DUSP22: variants seen among roughly 807,000 people sequenced by gnomAD.
The protein encoded by DUSP22 is dual specificity phosphatase 22.
A neutral mutation model predicts 24.5 loss-of-function variants in DUSP22; 24 were observed. The observed-to-expected ratio is 0.98, with a 90% CI of 0.71 to 1.38. The LOEUF (loss-of-function observed/expected upper bound fraction) is 1.38, where lower values mean the gene tolerates loss of function less well. Among genes scored for constraint, DUSP22 ranks in the 40% most tolerant of loss-of-function variants. DUSP22 has a pLI of 0.00. For synonymous variants in DUSP22, 160 were observed against 106.4 expected, an observed-to-expected ratio of 1.50 and a Z score of -3.10; for missense variants, 330 against 269.2, an observed-to-expected ratio of 1.23 and a Z score of -1.58.
intron 1 of DUSP22, among the ~76,000 whole-genome samples, chr6:300,974 G>A (rs929647328): frequency 6.6e-6 from 1 of 152,310 alleles, no homozygotes; most frequent in Non-Finnish European, 1.5e-5. Flanking sequence ...GACACTGAAT[G>A]TGCCACCAGC....
At chr6:341,399 G>T (rs1368065926) in intron 4 of DUSP22, among the ~76,000 whole-genome samples, 1 of 152,304 alleles carries the variant, frequency 6.6e-6, no homozygotes, top group Non-Finnish European at 1.5e-5. Context: ...CAGGACTGTG[G>T]GTATTTCCCA....
intron 2 of DUSP22, among the ~76,000 whole-genome samples, chr6:309,801 C>A (rs1236775388): frequency 6.6e-6 from 1 of 152,282 alleles, no homozygotes; most frequent in Non-Finnish European, 1.5e-5. Flanking sequence ...TCCTCCCTGC[C>A]ATGTGTTTGT....
At chr6:330,488 C>G (rs1759093027) in intron 3 of DUSP22, among the ~76,000 whole-genome samples, 1 of 152,302 alleles carries the variant, frequency 6.6e-6, no homozygotes, top group South Asian at 2.1e-4. Context: ...ATGCTTGAAA[C>G]AAGCGAGAGT....
Position 349,899 on chromosome 6 carries a change from T to C in DUSP22, c.*948T>C. On this transcript the variant is annotated 3_prime_UTR_variant, in exon 7 of 7. Coordinates refer to ENST00000419235, the MANE Select transcript of DUSP22 (RefSeq NM_001286555.3). ...CAGGGCACCCCCTCCTCTCTGCTCC[T>C]TGCCAGCTTCATTCACTCCCAGCCT... The C allele has an allele frequency of 3.0e-6, 3 of 985,950 alleles. No homozygotes were observed. Among genetic ancestry groups the C allele is most frequent in the Non-Finnish European group, 3.6e-6 (3 of 830,268 alleles). The allele number at this position is 985,950 out of a possible 1,614,324, so 61.1% of individuals were successfully genotyped here. A position where few individuals can be genotyped will look rare whatever the true frequency, so the allele number is the denominator to read the frequency against.
At chr6:340,865 C>T (rs1164131673) in intron 4 of DUSP22, among the ~76,000 whole-genome samples, 1 of 152,312 alleles carries the variant, frequency 6.6e-6, no homozygotes, top group Non-Finnish European at 1.5e-5. Context: ...CCAAATCTTG[C>T]AGTCCTGGAG....
chr6:339,594 A>G (rs17752656), intron 4 of DUSP22, among the ~76,000 whole-genome samples: 4,074 of 151,052 alleles, frequency 0.027, 4 homozygotes, highest in Middle Eastern at 0.061. Context: ...GATCTCTGCC[A>G]GGCTATGGAG....
intron 1 of DUSP22, among the ~76,000 whole-genome samples, chr6:303,456 G>T (rs2127392534): frequency 6.6e-6 from 1 of 152,420 alleles, no homozygotes; most frequent in East Asian, 1.9e-4. Context: ...ATGAGCCATG[G>T]GTTTTTAGCG....
At chr6:323,000 G>T (rs578238813) in intron 3 of DUSP22, among the ~76,000 whole-genome samples, 26 of 152,300 alleles carry the variant, frequency 1.7e-4, no homozygotes, top group Admixed American at 4.6e-4. Flanking sequence ...AAGCAAATCT[G>T]CTGTTTTCAG....
intron 4 of DUSP22, chr6:338,081 G>C (rs943956347): frequency 1.3e-5 from 2 of 152,540 alleles, no homozygotes; most frequent in Admixed American, 1.3e-4. Flanking sequence ...CTCATGAAAA[G>C]GTGGGGAAAA....
intron 3 of DUSP22, among the ~76,000 whole-genome samples, chr6:330,595 G>T (rs1296366747): frequency 2.0e-5 from 3 of 152,302 alleles, no homozygotes; most frequent in African/African-American, 7.2e-5. Context: ...TTAGTTTCAG[G>T]CCCAAAGAAA....
intron 4 of DUSP22, among the ~76,000 whole-genome samples, chr6:342,555 T>A (rs1759658978): frequency 2.0e-5 from 3 of 152,310 alleles, no homozygotes; most frequent in African/African-American, 7.2e-5. Context: ...CTGGGCCAGA[T>A]GAGTTGGCTC....
Position 349,627 on chromosome 6 carries a change from A to C in DUSP22, c.*676A>C, listed in dbSNP as rs575535988. 25 of 987,188 alleles carry C rather than the reference A, an allele frequency of 2.5e-5. No individual in the cohort carries two copies. In the South Asian group the frequency reaches 1.0e-3, roughly 41 times the overall value. The allele number at this position is 987,188 out of a possible 1,614,324, so 61.2% of individuals were successfully genotyped here. ...GAGGGTGGCTCTGGGGCCCTGGAAA[A>C]CGTGAGAGACTGCCCTGAGCTGGTC... On this transcript the variant is annotated 3_prime_UTR_variant, in exon 7 of 7. Transcript: ENST00000419235.
intron 3 of DUSP22, among the ~76,000 whole-genome samples, chr6:323,173 A>G (rs1485665151): frequency 2.0e-5 from 3 of 152,302 alleles, no homozygotes; most frequent in African/African-American, 7.2e-5. Context: ...AGCTCTGTCC[A>G]TGCTTTTAAA....
intron 4 of DUSP22, among the ~76,000 whole-genome samples, chr6:339,860 A>T (rs1409313363): frequency 6.6e-6 from 1 of 152,306 alleles, no homozygotes; most frequent in East Asian, 1.9e-4. Flanking sequence ...TTTATTATAA[A>T]GGAGCACTTT....
At chr6:338,470 C>A (rs550293287) in intron 4 of DUSP22, among the ~76,000 whole-genome samples, 2 of 152,418 alleles carry the variant, frequency 1.3e-5, no homozygotes, top group East Asian at 3.9e-4. Flanking sequence ...GTGTTTATTA[C>A]CAAGTATCAG....
intron 4 of DUSP22, among the ~76,000 whole-genome samples, chr6:340,596 T>C (rs1481212437): frequency 6.6e-6 from 1 of 152,310 alleles, no homozygotes; most frequent in Non-Finnish European, 1.5e-5. Context: ...TTCTTATATA[T>C]AAGGATGCTT....
At position 349,099 on chromosome 6, in the gene DUSP22, C is replaced by T. The variant is rs544991071; in HGVS notation, c.*148C>T. The T allele has an allele frequency of 2.6e-4, 377 of 1,459,706 alleles. No individual in the cohort carries two copies. In the African/African-American group the frequency reaches 5.0e-3, roughly 19 times the overall value. The allele number at this position is 1,459,706 out of a possible 1,614,324, so 90.4% of individuals were successfully genotyped here. A position where few individuals can be genotyped will look rare whatever the true frequency, so the allele number is the denominator to read the frequency against. Reference sequence around the variant, plus strand: ...GGCTCCTTCCCCCAAGCAACACCGCCCAGCCCTGCTCCAGGCCCCTGCACT... The same window carrying T: ...GGCTCCTTCCCCCAAGCAACACCGCTCAGCCCTGCTCCAGGCCCCTGCACT... On this transcript the variant is annotated 3_prime_UTR_variant, in exon 7 of 7. Transcript: ENST00000419235.
intron 4 of DUSP22, among the ~76,000 whole-genome samples, chr6:342,919 A>T (rs550500886): frequency 7.2e-5 from 11 of 152,416 alleles, no homozygotes; most frequent in South Asian, 2.1e-4. Context: ...AGGCCAGCAG[A>T]CTTCTCTGCC....
chr6:341,014 A>G (rs1759581452), intron 4 of DUSP22, among the ~76,000 whole-genome samples: 1 of 152,308 alleles, frequency 6.6e-6, no homozygotes, highest in Non-Finnish European at 1.5e-5. Flanking sequence ...GCAGAAAGGA[A>G]GGGACCCAGG....
Sources: gnomAD v4.1 joint callset for allele counts (sites outside exome capture counted in the v4.1 genomes callset) on GRCh38, gnomAD v4.1.1 for gene constraint, MANE v1.5 for transcripts, NCBI Gene and HGNC (gene_info 2026-07-23, HGNC 2026-07-21) for gene names.